CLECL1: variants seen among roughly 807,000 people sequenced by gnomAD.
CLECL1 encodes C-type lectin like 1, also known as C-type lectin-like domain family 1.
At chr12:9,702,505 AGCAGGAAAT>A in the CLECL1 span, among the ~76,000 whole-genome samples, 1 of 152,204 alleles carries the variant, frequency 6.6e-6, no homozygotes, top group Non-Finnish European at 1.5e-5. Context: ...TGAGTGGGAA[AGCAGGAAAT>A]GCATGTTCTC....
intron 2 of CLECL1, among the ~76,000 whole-genome samples, chr12:9,728,101 T>A (rs1866401246): frequency 6.6e-6 from 1 of 151,850 alleles, no homozygotes; most frequent in Non-Finnish European, 1.5e-5. Context: ...AGATTCTGCA[T>A]ATAAATGCTG....
chr12:9,732,281 A>G (rs998756453), intron 1 of CLECL1, among the ~76,000 whole-genome samples: 11 of 152,214 alleles, frequency 7.2e-5, no homozygotes, highest in Admixed American at 6.5e-4. Context: ...ACCCTAGAGC[A>G]GAGAATGGAA....
intron 3 of CLECL1, among the ~76,000 whole-genome samples, chr12:9,726,021 C>G (rs1011576069): frequency 6.6e-6 from 1 of 151,998 alleles, no homozygotes; most frequent in Non-Finnish European, 1.5e-5. Context: ...ACACCCTGCC[C>G]TCTTACAGAT....
downstream of CLECL1, among the ~76,000 whole-genome samples, chr12:9,720,813 T>C (rs1866301141): frequency 6.6e-6 from 1 of 152,226 alleles, no homozygotes; most frequent in Non-Finnish European, 1.5e-5. Context: ...AGCTTCACAC[T>C]GTTCTGCCAC....
chr12:9,722,703 G>C (rs1866328890), exon 4 of CLECL1: 1 of 1,613,656 alleles, frequency 6.2e-7, no homozygotes, highest in South Asian at 1.1e-5. Context: ...CAGTCATTTT[G>C]ACTTTTGTTC....
chr12:9,714,271 C>T (rs1866218610), downstream of CLECL1, among the ~76,000 whole-genome samples: 1 of 152,178 alleles, frequency 6.6e-6, no homozygotes, highest in Non-Finnish European at 1.5e-5. Context: ...TTTCTAATCA[C>T]CTATGGCTAT....
chr12:9,723,769 A>G (rs1395630508), intron 3 of CLECL1, among the ~76,000 whole-genome samples: 1 of 152,138 alleles, frequency 6.6e-6, no homozygotes, highest in Non-Finnish European at 1.5e-5. Flanking sequence ...TTTTTCCCCA[A>G]ATCTCTGACT....
the CLECL1 span, among the ~76,000 whole-genome samples, chr12:9,709,590 A>G: frequency 6.6e-6 from 1 of 152,220 alleles, no homozygotes; most frequent in Non-Finnish European, 1.5e-5. Context: ...ACCCTGATGG[A>G]CACTGAGAAA....
intron 3 of CLECL1, among the ~76,000 whole-genome samples, chr12:9,727,433 A>G (rs1321700733): frequency 2.0e-5 from 3 of 151,810 alleles, no homozygotes; most frequent in African/African-American, 4.8e-5. Flanking sequence ...TGAGTCCATG[A>G]AAAGCAATGA....
chr12:9,706,323 C>G, the CLECL1 span, among the ~76,000 whole-genome samples: 7 of 152,206 alleles, frequency 4.6e-5, no homozygotes, highest in African/African-American at 1.4e-4. Context: ...TTTACTTCCT[C>G]TCTTCCTCTT....
At chr12:9,727,751 T>C (rs1449257804) in intron 2 of CLECL1, among the ~76,000 whole-genome samples, 2 of 151,838 alleles carry the variant, frequency 1.3e-5, no homozygotes, top group Non-Finnish European at 3.0e-5. Context: ...AGTTATTCCA[T>C]GAAGTCCAAT....
chr12:9,722,704 AC>A, exon 4 of CLECL1: 1 of 1,613,874 alleles, frequency 6.2e-7, no homozygotes. Context: ...AGTCATTTTG[AC>A]TTTTGTTCCA....
the CLECL1 span, among the ~76,000 whole-genome samples, chr12:9,707,669 C>A: frequency 3.3e-5 from 5 of 152,282 alleles, no homozygotes; most frequent in South Asian, 1.0e-3. Flanking sequence ...GGGAACTTTT[C>A]CCATTTCAAA....
intron 3 of CLECL1, among the ~76,000 whole-genome samples, chr12:9,723,690 C>G (rs2121051507): frequency 6.6e-6 from 1 of 152,236 alleles, no homozygotes; most frequent in South Asian, 2.1e-4. Flanking sequence ...ACCACAGATG[C>G]TGAAAATGAA....
downstream of CLECL1, among the ~76,000 whole-genome samples, chr12:9,721,883 A>G (rs950067583): frequency 6.6e-6 from 1 of 152,158 alleles, no homozygotes; most frequent in Non-Finnish European, 1.5e-5. Flanking sequence ...AGATATTAAT[A>G]GTTTACTTCT....
the CLECL1 span, among the ~76,000 whole-genome samples, chr12:9,707,410 T>G: frequency 1.3e-5 from 2 of 152,222 alleles, no homozygotes; most frequent in Non-Finnish European, 2.9e-5. Context: ...TCTTAAATGT[T>G]TACACATACA....
exon 2 of CLECL1, among the ~76,000 whole-genome samples, chr12:9,729,609 T>C (rs1281319897): frequency 1.3e-5 from 2 of 152,118 alleles, no homozygotes; most frequent in Admixed American, 1.3e-4. Flanking sequence ...TTCAGTACAA[T>C]TACTATTACC....
intron 2 of CLECL1, among the ~76,000 whole-genome samples, chr12:9,717,346 G>A (rs1866251165): frequency 6.6e-6 from 1 of 152,206 alleles, no homozygotes; most frequent in Non-Finnish European, 1.5e-5. Context: ...TTATGTCAGA[G>A]AGACAACCTA....
the CLECL1 span, among the ~76,000 whole-genome samples, chr12:9,705,018 A>G: frequency 1.3e-5 from 2 of 152,032 alleles, no homozygotes; most frequent in African/African-American, 4.8e-5. Context: ...CCTAATTTAC[A>G]CTCCCACCAA....
Sources: allele counts gnomAD v4.1 joint callset (sites outside exome capture counted in the v4.1 genomes callset), GRCh38; gene constraint gnomAD v4.1.1; transcripts MANE v1.5; gene names NCBI Gene and HGNC (gene_info 2026-07-23, HGNC 2026-07-21).